Variants in TRPC4AP observed in about 807,000 individuals in gnomAD.
The protein encoded by TRPC4AP is transient receptor potential cation channel subfamily C member 4 associated protein, also known as short transient receptor potential channel 4-associated protein.
TRPC4AP carries 45 observed loss-of-function variants against 99.0 expected under a neutral mutation model. The ratio of observed to expected loss-of-function variants is 0.45; its 90% CI spans 0.36 to 0.58. The LOEUF is 0.58. Ranked by LOEUF, TRPC4AP falls within the 20% of genes least tolerant of loss-of-function variation. TRPC4AP has a pLI of 0.00. For missense variants in TRPC4AP, 879 were observed against 985.3 expected, an observed-to-expected ratio of 0.89 and a Z score of 1.44; for synonymous variants, 408 against 385.8, an observed-to-expected ratio of 1.06 and a Z score of -0.67.
chr20:35,043,847 G>C (rs1179373080), intron 7 of TRPC4AP, among the ~76,000 whole-genome samples: 1 of 152,182 alleles, frequency 6.6e-6, no homozygotes, highest in African/African-American at 2.4e-5. Flanking sequence ...ACCACAGAAA[G>C]TGAAACTGCA....
At chr20:35,007,476 G>A in intron 14 of TRPC4AP, 74 bp downstream of exon 14, 2 of 1,449,030 alleles carry the variant, frequency 1.4e-6, no homozygotes, top group Non-Finnish European at 9.7e-7. Flanking sequence ...ACTGTTTGGG[G>A]CTCAGGACAG....
At chr20:35,018,604 G>GAAAAAAAAAAA (rs11479211) in intron 9 of TRPC4AP, among the ~76,000 whole-genome samples, 53 of 88,916 alleles carry the variant, frequency 6.0e-4, no homozygotes, top group South Asian at 8.1e-4. Context: ...CTCAAAAAAA[G>GAAAAAAAAAAA]AAAAAAAAAA....
chr20:35,083,958 TC>T (rs1177233856), intron 1 of TRPC4AP, among the ~76,000 whole-genome samples: 2 of 148,992 alleles, frequency 1.3e-5, no homozygotes, highest in East Asian at 3.9e-4. Context: ...TCAAATGATT[TC>T]TTTAAAAAAA....
At chr20:35,032,630 G>A (rs2083228206) in intron 8 of TRPC4AP, among the ~76,000 whole-genome samples, 2 of 151,398 alleles carry the variant, frequency 1.3e-5, no homozygotes, top group African/African-American at 4.9e-5. Flanking sequence ...CTGCCACCAC[G>A]CCCAGCTAAT....
chr20:35,084,203 T>C (rs558025872), intron 1 of TRPC4AP, among the ~76,000 whole-genome samples: 6 of 149,814 alleles, frequency 4.0e-5, no homozygotes, highest in Middle Eastern at 3.5e-3. Flanking sequence ...TCGGGGGGCA[T>C]AGGTTGCAGG....
rs199774937 is a variant in TRPC4AP, at chr20:35,051,433, G to GA, written c.529-1440dup. Among the ~76,000 whole-genome samples, 1,105 of 152,156 alleles carry GA rather than the reference G, an allele frequency of 7.3e-3. 7 individuals are homozygous for GA. Among genetic ancestry groups the GA allele is most frequent in the African/African-American group, 0.025 (1,048 of 41,500 alleles). On this transcript the variant is annotated intron_variant, in intron 5 of 18. Transcript: ENST00000252015. ...AGCGATCCCCCCACCTCAGCCTCCT[G>GA]AATCACTGGGACTACAGGCGTGCAC... is the stretch of plus-strand genomic sequence containing the variant.
At position 35,006,587 on chromosome 20, in the gene TRPC4AP, G is replaced by T; in HGVS notation, c.1687-12C>A. ...CAGTAAAGGATGTGCTGGGTGAGGA[G>T]GGACAGGGTGAAGGTGTCAACGTGG... is the stretch of plus-strand genomic sequence containing the variant. On this transcript the variant is annotated splice_polypyrimidine_tract_variant and intron_variant, in intron 14 of 18. Transcript: ENST00000252015. 1 of 1,612,498 alleles carries T rather than the reference G, an allele frequency of 6.2e-7. No individual in the cohort carries two copies. The highest frequency in any genetic ancestry group is 1.1e-5 in the South Asian group (1 of 90,970).
chr20:35,010,350 G>A (rs1308642842), intron 11 of TRPC4AP, 62 bp from the exon 12 acceptor site: 3 of 1,392,802 alleles, frequency 2.2e-6, no homozygotes, highest in Non-Finnish European at 3.0e-6. Flanking sequence ...GTCAGCACCA[G>A]GCTAGTGTAG....
chr20:35,010,081 T>C, intron 12 of TRPC4AP, 106 bp downstream of exon 12: 1 of 830,082 alleles, frequency 1.2e-6, no homozygotes, highest in Non-Finnish European at 2.0e-6. Context: ...TGTAGCTGCA[T>C]GTGAGAGAGG....
chr20:35,068,704 T>C (rs1461396401), intron 3 of TRPC4AP, among the ~76,000 whole-genome samples: 1 of 152,066 alleles, frequency 6.6e-6, no homozygotes, highest in Non-Finnish European at 1.5e-5. Context: ...GTATTTTTAG[T>C]AGAGACAGGG....
chr20:35,072,693 T>C (rs1364526773), intron 2 of TRPC4AP, among the ~76,000 whole-genome samples: 2 of 152,214 alleles, frequency 1.3e-5, no homozygotes, highest in South Asian at 2.1e-4. Flanking sequence ...AGCCTTGTAG[T>C]ATAGTTTGAA....
At position 35,021,640 on chromosome 20, in the gene TRPC4AP, C is replaced by T. The variant is rs567448381; in HGVS notation, c.1052-284G>A. On this transcript the variant is annotated intron_variant, in intron 8 of 18. Transcript: ENST00000252015. ...CAGTAACATGACCCATCCCTCCCTG[C>T]TTATGCCCTTCTCCTGCCACCAACC... Among the ~76,000 whole-genome samples the T allele has an allele frequency of 2.6e-5, 4 of 152,292 alleles. No individual in the cohort carries two copies. The East Asian group carries it at 7.7e-4, about 29-fold the overall frequency.
intron 6 of TRPC4AP, 42 bp from the exon 7 acceptor site, chr20:35,044,754 C>T: frequency 6.3e-7 from 1 of 1,594,984 alleles, no homozygotes; most frequent in Non-Finnish European, 8.6e-7. Flanking sequence ...GCTCAATTCA[C>T]TCAAGAGATT....
intron 3 of TRPC4AP, among the ~76,000 whole-genome samples, chr20:35,060,561 T>C (rs1386017374): frequency 5.1e-5 from 6 of 118,598 alleles, no homozygotes; most frequent in Non-Finnish European, 9.6e-5. Flanking sequence ...CATTCCAGCC[T>C]GGGTGACAGA....
chr20:35,088,525 T>A (rs908000066), intron 1 of TRPC4AP, among the ~76,000 whole-genome samples: 1 of 152,268 alleles, frequency 6.6e-6, no homozygotes, highest in Non-Finnish European at 1.5e-5. Flanking sequence ...CCAGTCTAAT[T>A]AACTACTAGC....
intron 6 of TRPC4AP, among the ~76,000 whole-genome samples, chr20:35,045,248 T>C (rs1421187516): frequency 6.6e-6 from 1 of 152,232 alleles, no homozygotes; most frequent in Non-Finnish European, 1.5e-5. Context: ...ATGTTACTGC[T>C]CTGCATGCAC....
chr20:35,057,916 G>A (rs2083880543), intron 3 of TRPC4AP, among the ~76,000 whole-genome samples: 1 of 152,278 alleles, frequency 6.6e-6, no homozygotes, highest in East Asian at 1.9e-4. Flanking sequence ...ACATTTGTAA[G>A]TTTATTTTAA....
chr20:35,092,302 C>A (rs1170984920), intron 1 of TRPC4AP, among the ~76,000 whole-genome samples: 1 of 152,184 alleles, frequency 6.6e-6, no homozygotes, highest in East Asian at 1.9e-4. Context: ...AAAACAAACA[C>A]GACAGGGTCC....
rs180927239 is a variant in TRPC4AP, at chr20:35,053,604, C to T, written c.528+1372G>A. 4.7e-4 allele frequency among the ~76,000 whole-genome samples: 71 copies of T among 152,270 alleles called. No individual in the cohort carries two copies. In the East Asian group the frequency reaches 6.2e-3, roughly 13 times the overall value. On this transcript the variant is annotated intron_variant, in intron 5 of 18. Transcript: ENST00000252015. ...ATTGGCTATACATGGCTACCGAGCA[C>T]TTAAAAGGTGGCCAGGCCAAACTAA...
Sources: allele counts gnomAD v4.1 joint callset (sites outside exome capture counted in the v4.1 genomes callset), GRCh38; gene constraint gnomAD v4.1.1; transcripts MANE v1.5; gene names NCBI Gene and HGNC (gene_info 2026-07-23, HGNC 2026-07-21).